Variants in MGAT4C observed in about 807,000 individuals in gnomAD.
MGAT4C encodes MGAT4 family member C.
Under a neutral mutation model 40.1 loss-of-function variants are expected in MGAT4C, and 19 were observed. The observed-to-expected ratio is 0.47, with a 90% confidence interval of 0.33 to 0.70. MGAT4C has a LOEUF of 0.70. MGAT4C is among the 30% of genes least tolerant of loss of function. MGAT4C has a pLI of 0.02. For missense variants in MGAT4C, 491 were observed against 563.2 expected (o/e 0.87, Z 1.30); for synonymous variants, 181 against 187.1 (o/e 0.97, Z 0.27).
intron 2 of MGAT4C, among the ~76,000 whole-genome samples, chr12:86,661,311 TTA>T (rs1565910351): frequency 6.6e-6 from 1 of 151,882 alleles, no homozygotes; most frequent in African/African-American, 2.4e-5. Flanking sequence ...GCAAATAATT[TTA>T]TGAGTAAACA....
intron 1 of MGAT4C, among the ~76,000 whole-genome samples, chr12:86,075,556 G>T (rs538099511): frequency 6.6e-6 from 1 of 152,274 alleles, no homozygotes; most frequent in South Asian, 2.1e-4. Flanking sequence ...TCTGTGTGGG[G>T]GCTCTGATCC....
chr12:86,525,701 T>C (rs1958868873), intron 2 of MGAT4C, among the ~76,000 whole-genome samples: 1 of 152,204 alleles, frequency 6.6e-6, no homozygotes, highest in Non-Finnish European at 1.5e-5. Flanking sequence ...TGGAAGATTT[T>C]ATGGGACCAA....
chr12:86,025,487 T>C (rs971192440), intron 2 of MGAT4C, among the ~76,000 whole-genome samples: 2 of 151,770 alleles, frequency 1.3e-5, no homozygotes, highest in African/African-American at 4.8e-5. Context: ...TAACTAAAGA[T>C]GTCATGAGAG....
At chr12:86,826,122 C>A (rs1243418209) in intron 1 of MGAT4C, among the ~76,000 whole-genome samples, 1 of 151,404 alleles carries the variant, frequency 6.6e-6, no homozygotes, top group East Asian at 1.9e-4. Context: ...TTATGGGATA[C>A]CTCATCAACC....
At chr12:86,011,308 T>A (rs372501200) in intron 2 of MGAT4C, among the ~76,000 whole-genome samples, 6 of 152,208 alleles carry the variant, frequency 3.9e-5, no homozygotes, top group East Asian at 3.8e-4. Context: ...ATGAATTCAC[T>A]TCACAAACAC....
chr12:86,700,439 A>T (rs1325518867), intron 2 of MGAT4C, among the ~76,000 whole-genome samples: 2 of 152,118 alleles, frequency 1.3e-5, no homozygotes, highest in Non-Finnish European at 2.9e-5. Flanking sequence ...AGGTACTTAT[A>T]CAGTTGGACT....
chr12:86,193,740 T>C (rs1204893746), intron 1 of MGAT4C, among the ~76,000 whole-genome samples: 1 of 152,194 alleles, frequency 6.6e-6, no homozygotes, highest in East Asian at 1.9e-4. Flanking sequence ...ATGACATTGT[T>C]GCTGTTTCAA....
rs1884241835 is a variant in MGAT4C, at chr12:85,979,171, A to G, written c.*118T>C. ...AACAATGTATAAATGAAAACTGCCA[A>G]TGTAATTAATGTTTCTTTTAACATA... On this transcript the variant is annotated 3_prime_UTR_variant, in exon 5 of 5. Transcript: ENST00000611864. 1.3e-6 allele frequency: 1 copy of G among 740,946 alleles called. No homozygotes were observed. Among genetic ancestry groups the G allele is most frequent in the South Asian group, 2.2e-5 (1 of 45,742 alleles). The allele number at this position is 740,946 out of a possible 1,614,324, so 45.9% of individuals were successfully genotyped here. A position where few individuals can be genotyped will look rare whatever the true frequency, so the allele number is the denominator to read the frequency against.
At chr12:86,666,584 T>G (rs1428875038) in intron 2 of MGAT4C, among the ~76,000 whole-genome samples, 1 of 152,136 alleles carries the variant, frequency 6.6e-6, no homozygotes, top group Non-Finnish European at 1.5e-5. Flanking sequence ...CTGATGTGAG[T>G]CACAAAAAAA....
intron 1 of MGAT4C, among the ~76,000 whole-genome samples, chr12:86,150,698 A>G (rs1422697486): frequency 6.6e-6 from 1 of 152,210 alleles, no homozygotes; most frequent in Non-Finnish European, 1.5e-5. Flanking sequence ...AATTTGCTTG[A>G]AAAACTCACA....
intron 4 of MGAT4C, among the ~76,000 whole-genome samples, chr12:86,276,228 CTAT>C (rs1373437248): frequency 1.3e-5 from 2 of 151,792 alleles, no homozygotes; most frequent in East Asian, 1.9e-4. Context: ...TTAAATTTAG[CTAT>C]TATTATTGAA....
chr12:86,603,313 G>A (rs905978953), intron 2 of MGAT4C, among the ~76,000 whole-genome samples: 1 of 133,686 alleles, frequency 7.5e-6, no homozygotes, highest in South Asian at 2.3e-4. Context: ...TAATTATATA[G>A]TATATATATA....
chr12:86,273,875 A>C (rs1221831023), intron 4 of MGAT4C, among the ~76,000 whole-genome samples: 1 of 152,206 alleles, frequency 6.6e-6, no homozygotes, highest in Non-Finnish European at 1.5e-5. Flanking sequence ...GAAGCTCAAA[A>C]ACTTTAATGG....
intron 1 of MGAT4C, among the ~76,000 whole-genome samples, chr12:86,169,091 C>T (rs1886510341): frequency 6.6e-6 from 1 of 152,076 alleles, no homozygotes; most frequent in Non-Finnish European, 1.5e-5. Flanking sequence ...TTCTCAATCT[C>T]TTATTATCTG....
chr12:86,534,996 T>G (rs567499235), intron 2 of MGAT4C, among the ~76,000 whole-genome samples: 1 of 152,212 alleles, frequency 6.6e-6, no homozygotes, highest in African/African-American at 2.4e-5. Flanking sequence ...AGGAAAAAAT[T>G]TCATGCAAAA....
At chr12:86,833,993 A>G (rs1952984173) in intron 1 of MGAT4C, among the ~76,000 whole-genome samples, 1 of 151,886 alleles carries the variant, frequency 6.6e-6, no homozygotes, top group African/African-American at 2.4e-5. Context: ...ATATTGTCAT[A>G]AATGACCAAA....
chr12:85,998,651 A>G (rs988076329), intron 2 of MGAT4C, among the ~76,000 whole-genome samples: 1 of 152,132 alleles, frequency 6.6e-6, no homozygotes, highest in Non-Finnish European at 1.5e-5. Flanking sequence ...TCTCTTTCCT[A>G]AAACATAACA....
At chr12:86,012,012 T>A (rs1888506577) in intron 2 of MGAT4C, 2 of 252,802 alleles carry the variant, frequency 7.9e-6, no homozygotes, top group South Asian at 1.4e-4. Context: ...TTTGGAATAA[T>A]ATTACAAAGG....
At chr12:86,464,298 C>G (rs935025163) in intron 2 of MGAT4C, among the ~76,000 whole-genome samples, 2 of 152,100 alleles carry the variant, frequency 1.3e-5, no homozygotes, top group Non-Finnish European at 2.9e-5. Flanking sequence ...TAGAGGCAAA[C>G]TGTTTACTTA....
Sources: allele counts gnomAD v4.1 joint callset (sites outside exome capture counted in the v4.1 genomes callset), GRCh38; gene constraint gnomAD v4.1.1; transcripts MANE v1.5; gene names NCBI Gene and HGNC (gene_info 2026-07-23, HGNC 2026-07-21).